The following SLC2A7 variants were observed in gnomAD, a reference collection of about 807,000 sequenced individuals.
The protein encoded by SLC2A7 is solute carrier family 2 member 7.
SLC2A7 carries 50 observed loss-of-function variants against 50.5 expected under a neutral mutation model. The ratio of observed to expected loss-of-function variants is 0.99; its 90% CI spans 0.79 to 1.25. The LOEUF (loss-of-function observed/expected upper bound fraction) is 1.25. Ranked by LOEUF, SLC2A7 falls within the 50% of genes most tolerant of loss-of-function variation. SLC2A7 has a pLI of 0.00. For synonymous variants in SLC2A7, 308 were observed against 300.4 expected, an observed-to-expected ratio of 1.03 and a Z score of -0.26; for missense variants, 683 against 679.1, an observed-to-expected ratio of 1.01 and a Z score of -0.06.
At chr1:9,012,504 C>T (rs1220182361) in intron 8 of SLC2A7, among the ~76,000 whole-genome samples, 1 of 152,238 alleles carries the variant, frequency 6.6e-6, no homozygotes, top group Non-Finnish European at 1.5e-5. Context: ...CTGTCAGCCT[C>T]TCCCACTGTT....
At chr1:9,007,770 G>A (rs1221647980) in intron 9 of SLC2A7, among the ~76,000 whole-genome samples, 3 of 145,130 alleles carry the variant, frequency 2.1e-5, no homozygotes, top group African/African-American at 7.7e-5. Flanking sequence ...ACAGAGTCTC[G>A]CTCTGTCGCC....
rs1252399715 is a variant in SLC2A7, at chr1:9,008,396, G to A, written c.1117-1011C>T. Among the ~76,000 whole-genome samples, 1 of 152,154 alleles carries A rather than the reference G, an allele frequency of 6.6e-6. No homozygotes were observed. The highest frequency in any genetic ancestry group is 1.5e-5 in the Non-Finnish European group (1 of 68,026). ...AAGCGAGGCTGGCTGGGTTGGTGGG[G>A]CCGCCCTGGACCCGGTGTGAAGCGA... is the stretch of plus-strand genomic sequence containing the variant. On this transcript the variant is annotated intron_variant, in intron 9 of 11. Transcript: ENST00000400906. This position sits in a 1 kb window ranked among gnomAD's most constrained non-coding sequence, Gnocchi z 5.9.
intron 9 of SLC2A7, among the ~76,000 whole-genome samples, chr1:9,007,880 G>A (rs1175646197): frequency 2.6e-5 from 4 of 151,874 alleles, no homozygotes; most frequent in African/African-American, 9.7e-5. Context: ...GACTAGAGGC[G>A]TGCGCCACCA....
At chr1:9,000,494 C>T (rs1640559014), downstream of SLC2A7, among the ~76,000 whole-genome samples, 1 of 151,778 alleles carries the variant, frequency 6.6e-6, no homozygotes, top group Non-Finnish European at 1.5e-5. Context: ...TGGTGCGCAC[C>T]TGTAATCCCA....
intron 3 of SLC2A7, among the ~76,000 whole-genome samples, chr1:9,022,319 C>G (rs183298352): frequency 6.6e-6 from 1 of 152,194 alleles, no homozygotes; most frequent in Non-Finnish European, 1.5e-5. Flanking sequence ...CTCCTGGGAA[C>G]CTTGGCCTGT....
chr1:9,019,293 G>A lies in SLC2A7; in HGVS notation c.352C>T (p.Pro118Ser), dbSNP rs1300935254. Residue 118 changes from proline (P) to serine (S), a missense_variant, in exon 4 of 12, where the codon CCC (proline) becomes TCC (serine). Coordinates refer to ENST00000400906, the MANE Select transcript of SLC2A7 (RefSeq NM_207420.3). ...LLINNIFAII[P>S]AILMGVSKVA... is the part of the protein sequence containing the mutation. ...TTGCTGACTCCCATCAGGATGGCGG[G>A]GATGATGGCAAAGATGTTGTTGATC... 6.2e-7 allele frequency: 1 copy of A among 1,614,112 alleles called. No homozygotes were observed. Among genetic ancestry groups the A allele is most frequent in the South Asian group, 1.1e-5 (1 of 91,074 alleles).
At chr1:9,018,020 C>T (rs985837315) in intron 5 of SLC2A7, among the ~76,000 whole-genome samples, 3 of 152,116 alleles carry the variant, frequency 2.0e-5, no homozygotes, top group African/African-American at 7.2e-5. Flanking sequence ...CCTCAGAGCC[C>T]GATTCCCATT....
At chr1:9,004,527 C>CAAT (rs1640623808) in intron 11 of SLC2A7, among the ~76,000 whole-genome samples, 1 of 149,500 alleles carries the variant, frequency 6.7e-6, no homozygotes, top group Non-Finnish European at 1.5e-5. Flanking sequence ...AGCCCCTAAG[C>CAAT]AATAGCCCTT....
rs1361341805 is a variant in SLC2A7 at position 9,008,114 on chromosome 1, C to G, written c.1117-729G>C. ...GGCAGACCACCATCTCTGCTCCCAA[C>G]TGCCGAGAGAACAGCCAATGCAAAA... On this transcript the variant is annotated intron_variant, in intron 9 of 11. Coordinates refer to ENST00000400906, the MANE Select transcript of SLC2A7 (RefSeq NM_207420.3). The surrounding 1 kb of genome is among the most constrained non-coding windows in gnomAD (Gnocchi z 5.9). 6.6e-6 allele frequency among the ~76,000 whole-genome samples: 1 copy of G among 152,114 alleles called. No individual in the cohort carries two copies. Among genetic ancestry groups the G allele is most frequent in the Non-Finnish European group, 1.5e-5 (1 of 68,024 alleles).
chr1:9,002,347 G>A (rs1333443251), downstream of SLC2A7, among the ~76,000 whole-genome samples: 2 of 152,170 alleles, frequency 1.3e-5, no homozygotes, highest in East Asian at 3.8e-4. Flanking sequence ...GAATGTCTCG[G>A]TATAAAACCC....
the SLC2A7 span, among the ~76,000 whole-genome samples, chr1:8,995,694 G>C: frequency 6.6e-6 from 1 of 152,166 alleles, no homozygotes; most frequent in Non-Finnish European, 1.5e-5. Context: ...GCAGTGAGCT[G>C]AGATTGTGCC....
At position 9,015,184 on chromosome 1, in the gene SLC2A7, C is replaced by T. The variant is rs150836755; in HGVS notation, c.648G>A (p.Leu216=). The change falls in exon 6 of 12, where the codon CTG becomes CTA. Residue 216 remains leucine, a synonymous_variant. Coordinates refer to ENST00000400906, the MANE Select transcript of SLC2A7 (RefSeq NM_207420.3). ...AGCGGGGGCTTTCGGGGAAGAAGGG[C>T]AGGGTCAGCAGCTGCAGCAGGGCGG... is the stretch of plus-strand genomic sequence containing the variant. The part of the protein sequence containing the change: ...GVPALLQLLT[L]PFFPESPRYS... 31 of 1,611,824 alleles carry T rather than the reference C, an allele frequency of 1.9e-5. No individual in the cohort carries two copies. The African/African-American group carries it at 4.0e-4, about 21-fold the overall frequency.
At chr1:9,011,359 A>G (rs757857563) in intron 8 of SLC2A7, among the ~76,000 whole-genome samples, 8 of 152,178 alleles carry the variant, frequency 5.3e-5, no homozygotes, top group Non-Finnish European at 1.2e-4. Flanking sequence ...CCTACATTTA[A>G]AAATAGCCCC....
At chr1:9,015,055 C>T in intron 6 of SLC2A7, 62 bp downstream of exon 6, 3 of 1,601,406 alleles carry the variant, frequency 1.9e-6, no homozygotes, top group Non-Finnish European at 8.5e-7. Flanking sequence ...GTGGCCCTGA[C>T]CGTGTCTCTG....
chr1:9,001,601 A>T (rs1262305919), downstream of SLC2A7, among the ~76,000 whole-genome samples: 1 of 151,928 alleles, frequency 6.6e-6, no homozygotes, highest in Non-Finnish European at 1.5e-5. Flanking sequence ...TATTTTCAGT[A>T]GAGACGGGGT....
At chr1:9,016,838 C>T (rs1004557) in intron 5 of SLC2A7, among the ~76,000 whole-genome samples, 62,055 of 151,958 alleles carry the variant, frequency 0.41, 13,039 homozygotes, top group East Asian at 0.54. Flanking sequence ...CCACCCTCCA[C>T]GAGTGTCTCT....
chr1:9,007,121 C>T (rs148058289), intron 10 of SLC2A7, among the ~76,000 whole-genome samples, 189 bp downstream of exon 10: 5 of 152,298 alleles, frequency 3.3e-5, no homozygotes, highest in South Asian at 2.1e-4. Context: ...GCCTGGCTGG[C>T]GCTGGTTGAA....
rs1640668380 is a variant in SLC2A7, at chr1:9,007,323, A to G, written c.1179T>C (p.His393=). 1 of 1,614,208 alleles carries G rather than the reference A, an allele frequency of 6.2e-7. No individual in the cohort carries two copies. Among genetic ancestry groups the G allele is most frequent in the South Asian group, 1.1e-5 (1 of 91,086 alleles). Residue 393 remains histidine, a synonymous_variant, in exon 10 of 12, where the codon CAT becomes CAC. Coordinates refer to ENST00000400906, the MANE Select transcript of SLC2A7 (RefSeq NM_207420.3). ...GCAGGTACTCACTGGGCCCAATGGA[A>G]TGTCCCGCGATGTAGGCAAAGACAC... The part of the protein sequence containing the change: ...IICVFAYIAG[H]SIGPSPVPSV...
chr1:9,024,638 C>A (rs577933128), intron 2 of SLC2A7, among the ~76,000 whole-genome samples: 4 of 152,284 alleles, frequency 2.6e-5, no homozygotes, highest in African/African-American at 9.6e-5. Context: ...AGAGTTCAAT[C>A]TTTGACCCCA....
Sources: gnomAD v4.1 joint callset for allele counts (sites outside exome capture counted in the v4.1 genomes callset) on GRCh38, gnomAD v4.1.1 for gene constraint, Gnocchi (gnomAD v3.1) non-coding constraint, MANE v1.5 for transcripts, NCBI Gene and HGNC (gene_info 2026-07-23, HGNC 2026-07-21) for gene names.